The following NKX2-3 variants were observed in gnomAD, a reference collection of about 807,000 sequenced individuals.
NKX2-3 encodes the protein NK2 homeobox 3.
NKX2-3 carries 3 observed loss-of-function variants against 14.2 expected under a neutral mutation model. That is an observed-to-expected ratio of 0.21 (90% CI 0.10 to 0.55). The LOEUF is 0.55. Ranked by LOEUF, NKX2-3 falls within the 20% of genes least tolerant of loss-of-function variation. NKX2-3 has a pLI of 0.94. For synonymous variants in NKX2-3, 276 were observed against 234.2 expected, an observed-to-expected ratio of 1.18 and a Z score of -1.63; for missense variants, 511 against 514.5, an observed-to-expected ratio of 0.99 and a Z score of 0.06.
rs1019912235 is a variant in NKX2-3, at chr10:99,535,803, G to A, written c.*82G>A. The A allele has an allele frequency of 5.6e-6, 8 of 1,416,952 alleles. No homozygotes were observed. Among genetic ancestry groups the A allele is most frequent in the African/African-American group, 1.5e-5 (1 of 66,598 alleles). The allele number at this position is 1,416,952 out of a possible 1,614,324, so 87.8% of individuals were successfully genotyped here. On this transcript the variant is annotated 3_prime_UTR_variant, in exon 2 of 2. Coordinates refer to ENST00000344586, the MANE Select transcript of NKX2-3 (RefSeq NM_145285.3). ...AGCTCGAGAAGGGCCTGACCTAAAG[G>A]TCAGGTCCCCTCGTTAAAAAAATAT...
Position 99,535,279 on chromosome 10 carries a change from C to G in NKX2-3, c.653C>G (p.Ala218Gly). 1 of 1,588,170 alleles carries G rather than the reference C, an allele frequency of 6.3e-7. No individual in the cohort carries two copies. Among genetic ancestry groups the G allele is most frequent in the Non-Finnish European group, 8.6e-7 (1 of 1,168,574 alleles). Residue 218 changes from alanine (A) to glycine (G), a missense_variant, in exon 2 of 2, where the codon GCG becomes GGG. By Grantham distance (60) the Ala-to-Gly change is moderately conservative. Transcript: ENST00000344586. ...AAGTCTCTGGAGCTTGGCGCACACG[C>G]GCCCCCGCCGCCGCCGCGCCGCGTG... ...QDKSLELGAHAPPPPPRRVAV... is the reference protein window; with the variant it reads ...QDKSLELGAHGPPPPPRRVAV...
chr10:99,535,677 G>T lies in NKX2-3; in HGVS notation c.1051G>T (p.Ala351Ser). ...QPLHQGTAAG[A>S]ACAQGTLQGI... ...GTTGCACCAGGGTACTGCAGCCGGG[G>T]CCGCGTGCGCTCAGGGCACCTTGCA... The change falls in exon 2 of 2, where the codon GCC becomes TCC. Residue 351 changes from alanine to serine, a missense_variant. Transcript: ENST00000344586. 1 of 1,536,862 alleles carries T rather than the reference G, an allele frequency of 6.5e-7. No homozygotes were observed.
rs770369049 is a variant in NKX2-3, at chr10:99,535,166, C to A, written c.540C>A (p.His180Gln). The change falls in exon 2 of 2, where the codon CAC (histidine) becomes CAA (glutamine). Residue 180 changes from histidine (H) to glutamine (Q), a missense_variant. Physicochemically the swap from His to Gln is conservative, Grantham distance 24. Coordinates refer to ENST00000344586, the MANE Select transcript of NKX2-3 (RefSeq NM_145285.3). ...QRYLSAPERE[H>Q]LASSLKLTST... is the part of the protein sequence containing the mutation. ...ACCTGTCGGCACCCGAGCGCGAGCACCTCGCCAGCAGCCTGAAGCTCACAT... is the reference window on the plus strand; with the variant it reads ...ACCTGTCGGCACCCGAGCGCGAGCAACTCGCCAGCAGCCTGAAGCTCACAT... 5.6e-6 allele frequency: 9 copies of A among 1,613,234 alleles called. No individual in the cohort carries two copies. Among genetic ancestry groups the A allele is most frequent in the Non-Finnish European group, 6.8e-6 (8 of 1,179,854 alleles).
chr10:99,535,425 T>C lies in NKX2-3; in HGVS notation c.799T>C (p.Tyr267His), dbSNP rs1344759630. The C allele has an allele frequency of 5.0e-6, 7 of 1,403,266 alleles. No homozygotes were observed. The highest frequency in any genetic ancestry group is 5.6e-6 in the Non-Finnish European group (6 of 1,080,902). 86.9% of individuals were successfully genotyped at this position (1,403,266 alleles called of 1,614,324 possible). A position where few individuals can be genotyped will look rare whatever the true frequency, so the allele number is the denominator to read the frequency against. ...CTACAACAGCTTCCCCGCCTACGGC[T>C]ATGGGAACTCGGCCGCGGCCGCCGC... is the stretch of plus-strand genomic sequence containing the variant. ...YSYNSFPAYGYGNSAAAAAAA... is the reference protein window; with the variant it reads ...YSYNSFPAYGHGNSAAAAAAA... Residue 267 changes from tyrosine to histidine, a missense_variant, in exon 2 of 2, where the codon TAT becomes CAT. Around this residue, in one of 3 missense-constraint regions of NKX2-3, gnomAD observed 264 missense variants for 254.7 expected, o/e 1.04. Coordinates refer to ENST00000344586, the MANE Select transcript of NKX2-3 (RefSeq NM_145285.3).
rs199963044 is a variant in NKX2-3 at position 99,533,268 on chromosome 10, T to C, written c.137T>C (p.Met46Thr). ...CACCACTTCCACTCTGCGCCCTGCA[T>C]GCTGGCCGCCGCTGAGGGGACGCAA... is the stretch of plus-strand genomic sequence containing the variant. ...LEHHFHSAPC[M>T]LAAAEGTQFS... is the part of the protein sequence containing the mutation. Residue 46 changes from methionine (M) to threonine (T), a missense_variant, in exon 1 of 2, where the codon ATG (methionine) becomes ACG (threonine). Met to Thr is a moderately conservative substitution (Grantham distance 81, BLOSUM62 -1). This residue lies in a region of NKX2-3 where 243 missense variants were observed against 242.3 expected (regional missense o/e 1.00). Coordinates refer to ENST00000344586, the MANE Select transcript of NKX2-3 (RefSeq NM_145285.3). 4.3e-5 allele frequency: 70 copies of C among 1,613,952 alleles called. No individual in the cohort carries two copies. The Admixed American group carries it at 5.3e-4, about 12-fold the overall frequency.
chr10:99,535,564 T>G lies in NKX2-3; in HGVS notation c.938T>G (p.Met313Arg). The part of the protein sequence containing the change: ...GGGTSAATTA[M>R]QPACSAAGGG... ...GGGACCTCCGCGGCGACCACTGCCA[T>G]GCAGCCCGCCTGCAGCGCGGCCGGA... The change falls in exon 2 of 2, where the codon ATG (methionine) becomes AGG (arginine). Residue 313 changes from methionine to arginine, a missense_variant. This residue lies in a region of NKX2-3 where 264 missense variants were observed against 254.7 expected (regional missense o/e 1.04). Transcript: ENST00000344586. 6.7e-7 allele frequency: 1 copy of G among 1,486,434 alleles called. No individual in the cohort carries two copies. The highest frequency in any genetic ancestry group is 8.9e-7 in the Non-Finnish European group (1 of 1,124,726). 92.1% of individuals were successfully genotyped at this position (1,486,434 alleles called of 1,614,324 possible).
At position 99,535,030 on chromosome 10, in the gene NKX2-3, A is replaced by T; in HGVS notation, c.404A>T (p.Lys135Met). The T allele has an allele frequency of 1.9e-6, 3 of 1,606,386 alleles. No individual in the cohort carries two copies. The highest frequency in any genetic ancestry group is 2.5e-6 in the Non-Finnish European group (3 of 1,176,910). Residue 135 changes from lysine to methionine, a missense_variant, in exon 2 of 2, where the codon AAG becomes ATG. Transcript: ENST00000344586. ...KKSLETAGDCKAAEESERPKP... is the reference protein window; with the variant it reads ...KKSLETAGDCMAAEESERPKP... ...TCTCTAGAGACGGCCGGAGACTGCA[A>T]GGCGGCGGAGGAGAGCGAGAGGCCG... is the stretch of plus-strand genomic sequence containing the variant.
Position 99,534,872 on chromosome 10 carries a change from C to T in NKX2-3, c.359-113C>T, listed in dbSNP as rs1378946863. 4 of 1,309,072 alleles carry T rather than the reference C, an allele frequency of 3.1e-6. No homozygotes were observed. The South Asian group carries it at 4.6e-5, about 15-fold the overall frequency. The allele number at this position is 1,309,072 out of a possible 1,614,324, so 81.1% of individuals were successfully genotyped here. ...CCACAAACGTTCCCAAAAGTCCAGC[C>T]ATTTACTACCGCACGCTCTGCGCAG... On this transcript the variant is annotated intron_variant, in intron 1 of 1. Coordinates refer to ENST00000344586, the MANE Select transcript of NKX2-3 (RefSeq NM_145285.3).
Position 99,534,882 on chromosome 10 carries a change from C to T in NKX2-3, c.359-103C>T, listed in dbSNP as rs573741663. ...TCCCAAAAGTCCAGCCATTTACTAC[C>T]GCACGCTCTGCGCAGCCACCAAAAA... On this transcript the variant is annotated intron_variant, in intron 1 of 1. Coordinates refer to ENST00000344586, the MANE Select transcript of NKX2-3 (RefSeq NM_145285.3). The T allele has an allele frequency of 4.0e-4, 559 of 1,395,918 alleles. 3 individuals are homozygous for T. The East Asian group carries it at 6.4e-3, about 16-fold the overall frequency. The allele number at this position is 1,395,918 out of a possible 1,614,324, so 86.5% of individuals were successfully genotyped here. A position where few individuals can be genotyped will look rare whatever the true frequency, so the allele number is the denominator to read the frequency against.
At position 99,533,238 on chromosome 10, in the gene NKX2-3, T is replaced by C. The variant is rs2033929514; in HGVS notation, c.107T>C (p.Leu36Ser). The change falls in exon 1 of 2, where the codon TTG (leucine) becomes TCG (serine). Residue 36 changes from leucine (L) to serine (S), a missense_variant. Physicochemically the swap from Leu to Ser is moderately radical, Grantham distance 145. This residue lies in a region of NKX2-3 where 243 missense variants were observed against 242.3 expected (regional missense o/e 1.00). Transcript: ENST00000344586. ...CATGGTGCGCACTTGCAGGCGGACTTGGAGCACCACTTCCACTCTGCGCCC... is the reference window on the plus strand; with the variant it reads ...CATGGTGCGCACTTGCAGGCGGACTCGGAGCACCACTTCCACTCTGCGCCC... ...HFHGAHLQAD[L>S]EHHFHSAPCM... The C allele has an allele frequency of 1.9e-6, 3 of 1,612,090 alleles. No homozygotes were observed. The highest frequency in any genetic ancestry group is 2.5e-6 in the Non-Finnish European group (3 of 1,178,276).
Position 99,535,865 on chromosome 10 carries a change from A to C in NKX2-3, c.*144A>C. The C allele has an allele frequency of 2.3e-4, 218 of 961,724 alleles. No individual in the cohort carries two copies. The highest frequency in any genetic ancestry group is 3.0e-4 in the Non-Finnish European group (204 of 685,016). The allele number at this position is 961,724 out of a possible 1,614,324, so 59.6% of individuals were successfully genotyped here. A position where few individuals can be genotyped will look rare whatever the true frequency, so the allele number is the denominator to read the frequency against. On this transcript the variant is annotated 3_prime_UTR_variant, in exon 2 of 2. Transcript: ENST00000344586. ...TCCTCAGGGCTTCGGATCGCAGCTCACTCGAGGCCTGGGGAAGGGGACTCA... is the reference window on the plus strand; with the variant it reads ...TCCTCAGGGCTTCGGATCGCAGCTCCCTCGAGGCCTGGGGAAGGGGACTCA...
At chr10:99,534,595 G>T (rs1368274756) in intron 1 of NKX2-3, among the ~76,000 whole-genome samples, 1 of 152,186 alleles carries the variant, frequency 6.6e-6, no homozygotes, top group Non-Finnish European at 1.5e-5. Flanking sequence ...CACACCTTCA[G>T]TTATCCTTGG....
rs1317737522 is a variant in NKX2-3 at position 99,533,331 on chromosome 10, G to C, written c.200G>C (p.Gly67Ala). The stretch of plus-strand genomic sequence containing the variant: ...GGGGAGGAGGACGAGGAAGACGAGG[G>C]CGAGAAATTGTCCTATTTGAACTCA... ...DGGEEDEEDEGEKLSYLNSLA... is the reference protein window; with the variant it reads ...DGGEEDEEDEAEKLSYLNSLA... The change falls in exon 1 of 2, where the codon GGC (glycine) becomes GCC (alanine). Residue 67 changes from glycine (G) to alanine (A), a missense_variant. Gly to Ala is a moderately conservative substitution (Grantham distance 60, BLOSUM62 0). This residue lies in a region of NKX2-3 where 243 missense variants were observed against 242.3 expected (regional missense o/e 1.00). Transcript: ENST00000344586. 1.9e-6 allele frequency: 3 copies of C among 1,612,978 alleles called. No homozygotes were observed. Among genetic ancestry groups the C allele is most frequent in the Non-Finnish European group, 2.5e-6 (3 of 1,179,712 alleles).
Position 99,535,290 on chromosome 10 carries a change from C to T in NKX2-3, c.664C>T (p.Pro222Ser). Residue 222 changes from proline to serine, a missense_variant, in exon 2 of 2, where the codon CCG (proline) becomes TCG (serine). Pro to Ser is a moderately conservative substitution (Grantham distance 74). Transcript: ENST00000344586. ...LELGAHAPPP[P>S]PRRVAVPVLV... ...GCTTGGCGCACACGCGCCCCCGCCG[C>T]CGCCGCGCCGCGTGGCTGTCCCGGT... The T allele has an allele frequency of 5.7e-6, 9 of 1,591,908 alleles. No individual in the cohort carries two copies. The highest frequency in any genetic ancestry group is 6.8e-6 in the Non-Finnish European group (8 of 1,170,464).
rs2119563495 is a variant in NKX2-3 at position 99,535,982 on chromosome 10, T to C, written c.*261T>C. 2.0e-6 allele frequency: 1 copy of C among 502,666 alleles called. No homozygotes were observed. Among genetic ancestry groups the C allele is most frequent in the Non-Finnish European group, 3.5e-6 (1 of 284,784 alleles). 31.1% of individuals were successfully genotyped at this position (502,666 alleles called of 1,614,324 possible). A position where few individuals can be genotyped will look rare whatever the true frequency, so the allele number is the denominator to read the frequency against. Reference sequence around the variant, plus strand: ...CCGGGGAGGACGATGGCCCCGACCCTGGCAGCGAGAGGAGACCAGGAGGCT... The same window carrying C: ...CCGGGGAGGACGATGGCCCCGACCCCGGCAGCGAGAGGAGACCAGGAGGCT... On this transcript the variant is annotated 3_prime_UTR_variant, in exon 2 of 2. Transcript: ENST00000344586.
At chr10:99,534,522 G>A (rs1049437398) in intron 1 of NKX2-3, among the ~76,000 whole-genome samples, 1 of 152,194 alleles carries the variant, frequency 6.6e-6, no homozygotes, top group Non-Finnish European at 1.5e-5. Context: ...ATGCACAAGC[G>A]TTACACTCAG....
chr10:99,535,507 C>A lies in NKX2-3; in HGVS notation c.881C>A (p.Ala294Glu). 8.1e-7 allele frequency: 1 copy of A among 1,233,418 alleles called. No individual in the cohort carries two copies. The highest frequency in any genetic ancestry group is 1.0e-6 in the Non-Finnish European group (1 of 984,774). 76.4% of individuals were successfully genotyped at this position (1,233,418 alleles called of 1,614,324 possible). ...GCCTACAGCAGCAGCTATGGCTGTG[C>A]GTACCCGGCGGGCGGCGGCGGCGGC... ...AAAYSSSYGC[A>E]YPAGGGGGGG... Residue 294 changes from alanine (A) to glutamate (E), a missense_variant, in exon 2 of 2, where the codon GCG becomes GAG. By Grantham distance (107) the Ala-to-Glu change is moderately radical. Transcript: ENST00000344586.
intron 1 of NKX2-3, among the ~76,000 whole-genome samples, chr10:99,534,547 C>A (rs943802065): frequency 5.9e-5 from 9 of 152,222 alleles, no homozygotes; most frequent in Non-Finnish European, 1.0e-4. Flanking sequence ...GATTTTCGCG[C>A]AACCCATGCC....
At chr10:99,533,518 C>T (rs1163973280) in intron 1 of NKX2-3, 29 bp downstream of exon 1, 11 of 1,481,852 alleles carry the variant, frequency 7.4e-6, no homozygotes, top group Non-Finnish European at 9.2e-6. Context: ...AAAACGCACC[C>T]GCACACCTGG....
Sources: gnomAD v4.1 joint callset for allele counts (sites outside exome capture counted in the v4.1 genomes callset) on GRCh38, gnomAD v4.1.1 for gene constraint, gnomAD v4.1.1 regional missense constraint, MANE v1.5 for transcripts, NCBI Gene and HGNC (gene_info 2026-07-23, HGNC 2026-07-21) for gene names.